Variants in EIF3F observed in about 807,000 individuals in gnomAD.
EIF3F encodes the protein deubiquitinating enzyme eIF3f.
In EIF3F, 8 loss-of-function variants were observed where a neutral mutation model predicts 36.0. The observed-to-expected ratio is 0.22, with a 90% CI of 0.13 to 0.40. The LOEUF (loss-of-function observed/expected upper bound fraction) is 0.40, where lower values mean the gene tolerates loss of function less well. EIF3F is among the 10% of genes least tolerant of loss of function. EIF3F has a pLI of 1.00. For synonymous variants in EIF3F, 184 were observed against 188.5 expected (o/e 0.98, Z 0.19); for missense variants, 430 against 467.6 (o/e 0.92, Z 0.74).
Position 7,997,475 on chromosome 11 carries a change from G to A in EIF3F, c.*1453G>A, listed in dbSNP as rs967667665. ...AAATTTGAGAAATAAGCATAGAAAA[G>A]GTGGATAAAACAAAAGATGGCAAAA... On this transcript the variant is annotated 3_prime_UTR_variant, in exon 8 of 8. Transcript: ENST00000651655. The A allele has an allele frequency of 6.6e-6, 1 of 152,030 alleles. No individual in the cohort carries two copies. The highest frequency in any genetic ancestry group is 1.5e-5 in the Non-Finnish European group (1 of 67,984). 9.4% of individuals were successfully genotyped at this position (152,030 alleles called of 1,614,324 possible). A position where few individuals can be genotyped will look rare whatever the true frequency, so the allele number is the denominator to read the frequency against.
rs1413423982 is a variant in EIF3F, at chr11:7,997,997, C to T, written c.*1975C>T. On this transcript the variant is annotated 3_prime_UTR_variant, in exon 8 of 8. Transcript: ENST00000651655. ...GGTATGCACAGGTTATATCCAAATA[C>T]TTCATATTAGGGACTTGAGCATCAG... 6.6e-6 allele frequency: 1 copy of T among 152,144 alleles called. No individual in the cohort carries two copies. The highest frequency in any genetic ancestry group is 1.5e-5 in the Non-Finnish European group (1 of 68,030). 9.4% of individuals were successfully genotyped at this position (152,144 alleles called of 1,614,324 possible).
intron 1 of EIF3F, among the ~76,000 whole-genome samples, chr11:7,989,112 G>A (rs1283631532): frequency 2.6e-5 from 4 of 152,046 alleles, no homozygotes; most frequent in African/African-American, 7.2e-5. Flanking sequence ...ATTAAGTGCC[G>A]GTCCTCCATC....
chr11:7,994,127 A>C (rs1026711593), intron 4 of EIF3F, among the ~76,000 whole-genome samples: 1 of 152,088 alleles, frequency 6.6e-6, no homozygotes, highest in African/African-American at 2.4e-5. Context: ...AGCCAGCTCT[A>C]CGGGGTAATT....
In EIF3F at chr11:7,987,904, C is replaced by T. The variant is rs188577428; in HGVS notation, c.364+188C>T. On this transcript the variant is annotated intron_variant, in intron 1 of 7. Coordinates refer to ENST00000651655, the MANE Select transcript of EIF3F (RefSeq NM_003754.3). The stretch of plus-strand genomic sequence containing the variant: ...TATCTTCTCAAGCACTTGCATCTCT[C>T]CTCTCTCTCCTGCCGGATTGCTGTC... 4.3e-3 allele frequency: 3,476 copies of T among 815,018 alleles called. 8 individuals carry two copies. The highest frequency in any genetic ancestry group is 5.1e-3 in the Non-Finnish European group (3,040 of 590,832). The allele number at this position is 815,018 out of a possible 1,614,324, so 50.5% of individuals were successfully genotyped here. A position where few individuals can be genotyped will look rare whatever the true frequency, so the allele number is the denominator to read the frequency against.
intron 1 of EIF3F, among the ~76,000 whole-genome samples, chr11:7,989,091 C>G (rs772595762): frequency 1.3e-5 from 2 of 152,192 alleles, no homozygotes; most frequent in Non-Finnish European, 2.9e-5. Flanking sequence ...TTCCACGTTC[C>G]CAGCAACAGC....
chr11:7,994,626 T>G (rs539565309), intron 5 of EIF3F, 109 bp downstream of exon 5: 2 of 997,094 alleles, frequency 2.0e-6, no homozygotes, highest in African/African-American at 3.3e-5. Context: ...AAGGGACTAT[T>G]GATCTAAGGT....
chr11:7,995,675 C>A, intron 7 of EIF3F: 1 of 582,644 alleles, frequency 1.7e-6, no homozygotes, highest in Non-Finnish European at 3.1e-6. Context: ...TACTTATTTC[C>A]CCCATCTGAG....
intron 5 of EIF3F, 24 bp downstream of exon 5, chr11:7,994,541 G>A (rs372196261): frequency 4.4e-6 from 7 of 1,603,860 alleles, no homozygotes; most frequent in African/African-American, 2.7e-5. Context: ...CCATACACTC[G>A]CGAGAGGCCA....
At chr11:7,994,762 C>G (rs146261230) in intron 5 of EIF3F, 295 of 722,254 alleles carry the variant, frequency 4.1e-4, no homozygotes, top group Non-Finnish European at 5.2e-4. Flanking sequence ...AGATCAAAAC[C>G]GGTGATGAGC....
intron 5 of EIF3F, chr11:7,994,776 C>T (rs1942142192): frequency 7.9e-6 from 6 of 756,490 alleles, no homozygotes; most frequent in African/African-American, 1.8e-5. Flanking sequence ...GATGAGCATA[C>T]CAGGTAAAAG....
At chr11:7,993,709 C>T (rs535344926) in intron 4 of EIF3F, among the ~76,000 whole-genome samples, 25 of 152,252 alleles carry the variant, frequency 1.6e-4, no homozygotes, top group African/African-American at 4.8e-4. Flanking sequence ...AACTCTTACA[C>T]AGTACACAGT....
rs995172400 is a variant in EIF3F, at chr11:7,998,677, A to G, written c.*2655A>G. On this transcript the variant is annotated 3_prime_UTR_variant, in exon 8 of 8. Transcript: ENST00000651655. Reference sequence around the variant, plus strand: ...TTCACACATACGGAGTCTGCAAAAAATGAGAATTGACTATTATGTGTGTGT... The same window carrying G: ...TTCACACATACGGAGTCTGCAAAAAGTGAGAATTGACTATTATGTGTGTGT... 1 of 152,236 alleles carries G rather than the reference A, an allele frequency of 6.6e-6. No homozygotes were observed. Among genetic ancestry groups the G allele is most frequent in the Non-Finnish European group, 1.5e-5 (1 of 68,042 alleles). 9.4% of individuals were successfully genotyped at this position (152,236 alleles called of 1,614,324 possible).
intron 5 of EIF3F, 82 bp from the exon 6 acceptor site, chr11:7,994,900 A>G (rs571253178): frequency 1.3e-6 from 2 of 1,571,116 alleles, no homozygotes; most frequent in Admixed American, 1.7e-5. Context: ...CGTTAAGACC[A>G]TCTCTTTCCT....
rs1395488382 is a variant in EIF3F at position 8,000,433 on chromosome 11, T to A, written c.*4411T>A. The A allele has an allele frequency of 6.6e-6, 1 of 152,014 alleles. No homozygotes were observed. Among genetic ancestry groups the A allele is most frequent in the African/African-American group, 2.4e-5 (1 of 41,356 alleles). The allele number at this position is 152,014 out of a possible 1,614,324, so 9.4% of individuals were successfully genotyped here. A position where few individuals can be genotyped will look rare whatever the true frequency, so the allele number is the denominator to read the frequency against. ...TAAATGGGGAGATGTTGGTCAAGGG[T>A]ACAAAGTTTCAGTTAAACAGGAGTA... On this transcript the variant is annotated 3_prime_UTR_variant, in exon 8 of 8. Coordinates refer to ENST00000651655, the MANE Select transcript of EIF3F (RefSeq NM_003754.3).
chr11:7,987,573 C>T lies in EIF3F; in HGVS notation c.221C>T (p.Ala74Val). The change falls in exon 1 of 8, where the codon GCG (alanine) becomes GTG (valine). Residue 74 changes from alanine (A) to valine (V), a missense_variant. By Grantham distance (64) the Ala-to-Val change is moderately conservative. This residue lies in a region of EIF3F where 168 missense variants were observed against 120.2 expected (regional missense o/e 1.40). Coordinates refer to ENST00000651655, the MANE Select transcript of EIF3F (RefSeq NM_003754.3). ...ASAQAPAQTP[A>V]PALPGPALPG... ...GCGCAAGCTCCAGCGCAGACCCCAG[C>T]GCCCGCTCTGCCTGGTCCTGCTCTT... The T allele has an allele frequency of 6.3e-7, 1 of 1,597,486 alleles. No homozygotes were observed. The highest frequency in any genetic ancestry group is 2.3e-5 in the East Asian group (1 of 44,386).
chr11:7,995,661 C>G, intron 7 of EIF3F: 1 of 581,612 alleles, frequency 1.7e-6, no homozygotes, highest in Non-Finnish European at 3.1e-6. Context: ...AATGAAAATG[C>G]AATTACTTAT....
At chr11:7,990,562 A>C (rs1302693925) in intron 1 of EIF3F, among the ~76,000 whole-genome samples, 2 of 152,242 alleles carry the variant, frequency 1.3e-5, no homozygotes, top group Non-Finnish European at 2.9e-5. Context: ...AAGATTAGAA[A>C]GGTAGGAAGA....
In EIF3F at chr11:7,995,053, G is replaced by A. The variant is rs1240084298; in HGVS notation, c.817G>A (p.Gly273Arg). Residue 273 changes from glycine to arginine, a missense_variant, in exon 6 of 8, where the codon GGA becomes AGA. Physicochemically the swap from Gly to Arg is moderately radical, Grantham distance 125. Transcript: ENST00000651655. ...IGLSSDLQQV[G>R]GASARIQDAL... ...ACTCTCAAGTGACTTGCAGCAAGTA[G>A]GAGGGGCATCAGCTCGCATCCAGGA... 2.0e-5 allele frequency: 32 copies of A among 1,613,980 alleles called. No individual in the cohort carries two copies. The highest frequency in any genetic ancestry group is 2.5e-5 in the Non-Finnish European group (30 of 1,179,898).
chr11:7,999,765 C>T lies in EIF3F; in HGVS notation c.*3743C>T, dbSNP rs1942199003. The T allele has an allele frequency of 6.6e-6, 1 of 152,136 alleles. No individual in the cohort carries two copies. Among genetic ancestry groups the T allele is most frequent in the Non-Finnish European group, 1.5e-5 (1 of 68,028 alleles). 9.4% of individuals were successfully genotyped at this position (152,136 alleles called of 1,614,324 possible). A position where few individuals can be genotyped will look rare whatever the true frequency, so the allele number is the denominator to read the frequency against. ...TGTGGAAAACAGTTTGTAGAGCTTC[C>T]TCAATAAAAACACATATGATCCAGC... is the stretch of plus-strand genomic sequence containing the variant. On this transcript the variant is annotated 3_prime_UTR_variant, in exon 8 of 8. Coordinates refer to ENST00000651655, the MANE Select transcript of EIF3F (RefSeq NM_003754.3).
Sources: gnomAD v4.1 joint callset for allele counts (sites outside exome capture counted in the v4.1 genomes callset) on GRCh38, gnomAD v4.1.1 for gene constraint, gnomAD v4.1.1 regional missense constraint, MANE v1.5 for transcripts, NCBI Gene and HGNC (gene_info 2026-07-23, HGNC 2026-07-21) for gene names.